Variants in NPFFR1 observed in about 807,000 individuals in gnomAD.
The protein encoded by NPFFR1 is neuropeptide FF receptor 1, also known as G-protein coupled receptor 147.
A neutral mutation model predicts 12.7 loss-of-function variants in NPFFR1; 17 were observed. The observed-to-expected ratio is 1.34, with a 90% CI of 0.92 to 2.01. NPFFR1 has a LOEUF of 2.01. NPFFR1 is among the 30% of genes most tolerant of loss of function. The probability of loss-of-function intolerance (pLI) is 0.00; values close to 1 mark genes in which losing one functional copy is unlikely to be tolerated. For missense variants in NPFFR1, 604 were observed against 606.5 expected, an observed-to-expected ratio of 1.00 and a Z score of 0.04; for synonymous variants, 296 against 264.5, an observed-to-expected ratio of 1.12 and a Z score of -1.16.
Position 70,255,253 on chromosome 10 carries a change from T to C in NPFFR1, c.997A>G (p.Asn333Asp), listed in dbSNP as rs1230755675. 2 of 1,566,692 alleles carry C rather than the reference T, an allele frequency of 1.3e-6. No homozygotes were observed. Among genetic ancestry groups the C allele is most frequent in the African/African-American group, 1.3e-5 (1 of 74,198 alleles). Residue 333 changes from asparagine (N) to aspartate (D), a missense_variant, in exon 4 of 4, where the codon AAC (asparagine) becomes GAC (aspartate). Transcript: ENST00000277942. The surrounding 1 kb of genome is among the most constrained non-coding windows in gnomAD (Gnocchi z 4.2). ...SANPIIYGYF[N>D]ENFRRGFQAA... Reference sequence around the variant, plus strand: ...TGGAAGCCGCGGCGGAAGTTCTCGTTGAAGTAGCCGTAGATGATGGGGTTG... The same window carrying C: ...TGGAAGCCGCGGCGGAAGTTCTCGTCGAAGTAGCCGTAGATGATGGGGTTG...
At chr10:70,269,644 T>C (rs1262466877) in intron 1 of NPFFR1, among the ~76,000 whole-genome samples, 1 of 152,032 alleles carries the variant, frequency 6.6e-6, no homozygotes, top group Admixed American at 6.6e-5. Flanking sequence ...CCTGAGTAGC[T>C]GGGATTACAG....
intron 1 of NPFFR1, among the ~76,000 whole-genome samples, chr10:70,272,103 C>T (rs548566005): frequency 8.1e-5 from 11 of 135,514 alleles, no homozygotes; most frequent in East Asian, 6.7e-4. Context: ...GGCGACAGAG[C>T]GAGACTCTGC....
rs771410629 is a variant in NPFFR1, at chr10:70,255,368, G to A, written c.882C>T (p.Asp294=). The part of the protein sequence containing the change: ...LPLWALLLLI[D]YGQLSAPQLH... The stretch of plus-strand genomic sequence containing the variant: ...GCTGCGGCGCGCTGAGCTGCCCGTA[G>A]TCGATGAGCAGCAGCAGCGCCCAGA... Residue 294 remains aspartate, a synonymous_variant, in exon 4 of 4, where the codon GAC becomes GAT. Coordinates refer to ENST00000277942, the MANE Select transcript of NPFFR1 (RefSeq NM_022146.5). The surrounding 1 kb of genome is among the most constrained non-coding windows in gnomAD (Gnocchi z 4.2). The A allele has an allele frequency of 1.3e-4, 209 of 1,555,974 alleles. No individual in the cohort carries two copies. Among genetic ancestry groups the A allele is most frequent in the Middle Eastern group, 3.3e-4 (2 of 6,022 alleles).
intron 1 of NPFFR1, among the ~76,000 whole-genome samples, chr10:70,274,310 G>A (rs1321143430): frequency 3.3e-5 from 5 of 152,158 alleles, no homozygotes; most frequent in African/African-American, 9.7e-5. Flanking sequence ...TTAGCCGGGC[G>A]TGGTGGCACA....
At chr10:70,262,347 G>T (rs1278372283) in intron 2 of NPFFR1, among the ~76,000 whole-genome samples, 1 of 152,084 alleles carries the variant, frequency 6.6e-6, no homozygotes, top group Non-Finnish European at 1.5e-5. Context: ...TACACTGAAG[G>T]GGTGAAGAAG....
chr10:70,255,057 C>T lies in NPFFR1; in HGVS notation c.1193G>A (p.Arg398His). 3 of 1,436,500 alleles carry T rather than the reference C, an allele frequency of 2.1e-6. No homozygotes were observed. The allele number at this position is 1,436,500 out of a possible 1,614,324, so 89.0% of individuals were successfully genotyped here. A position where few individuals can be genotyped will look rare whatever the true frequency, so the allele number is the denominator to read the frequency against. Residue 398 changes from arginine (R) to histidine (H), a missense_variant, in exon 4 of 4, where the codon CGC (arginine) becomes CAC (histidine). Arg to His is a conservative substitution (Grantham distance 29, BLOSUM62 0). Transcript: ENST00000277942. This position sits in a 1 kb window ranked among gnomAD's most constrained non-coding sequence, Gnocchi z 4.2. ...CACCCGCCCATTCCGCAGCGGGAGGCGGCCGGGCCTGGGGGCCCCACTGCT... is the reference window on the plus strand; with the variant it reads ...CACCCGCCCATTCCGCAGCGGGAGGTGGCCGGGCCTGGGGGCCCCACTGCT... ...GPSSGAPRPG[R>H]LPLRNGRVAH... is the part of the protein sequence containing the mutation.
rs1840535233 is a variant in NPFFR1, at chr10:70,253,758, C to T, written c.*1199G>A. On this transcript the variant is annotated 3_prime_UTR_variant, in exon 4 of 4. Coordinates refer to ENST00000277942, the MANE Select transcript of NPFFR1 (RefSeq NM_022146.5). ...GTGGGGGGAAATGTCCATTTAAGTG[C>T]AAGATGAAGGGGCCTGTGAAAGGAC... 1 of 151,988 alleles carries T rather than the reference C, an allele frequency of 6.6e-6. No individual in the cohort carries two copies. The highest frequency in any genetic ancestry group is 1.5e-5 in the Non-Finnish European group (1 of 68,026). 9.4% of individuals were successfully genotyped at this position (151,988 alleles called of 1,614,324 possible). A position where few individuals can be genotyped will look rare whatever the true frequency, so the allele number is the denominator to read the frequency against.
At position 70,272,975 on chromosome 10, in the gene NPFFR1, A is replaced by G. The variant is rs543997567; in HGVS notation, c.8-6584T>C. The stretch of plus-strand genomic sequence containing the variant: ...GAACTGTAGGTGAACAGAAAAAATA[A>G]CAATGTTTGTCCACAAGGGGTGGTG... On this transcript the variant is annotated intron_variant, in intron 1 of 3. Transcript: ENST00000277942. Among the ~76,000 whole-genome samples the G allele has an allele frequency of 3.9e-5, 6 of 152,358 alleles. No homozygotes were observed. In the East Asian group the frequency reaches 1.2e-3, roughly 29 times the overall value.
chr10:70,266,826 A>G (rs1840696830), intron 1 of NPFFR1, among the ~76,000 whole-genome samples: 1 of 152,084 alleles, frequency 6.6e-6, no homozygotes, highest in South Asian at 2.1e-4. Context: ...TTGTCTTCTG[A>G]TTCCCTTCCT....
chr10:70,266,951 C>T (rs1840699833), intron 1 of NPFFR1, among the ~76,000 whole-genome samples: 1 of 152,250 alleles, frequency 6.6e-6, no homozygotes, highest in Admixed American at 6.5e-5. Flanking sequence ...ACTCTTCCCT[C>T]TCCTTGCACT....
intron 3 of NPFFR1, among the ~76,000 whole-genome samples, chr10:70,260,037 G>C (rs1163553881): frequency 3.3e-5 from 5 of 152,220 alleles, no homozygotes; most frequent in African/African-American, 1.2e-4. Flanking sequence ...CAATATGGAG[G>C]CCTCCTGGGT....
chr10:70,256,855 C>T (rs1840577998), intron 3 of NPFFR1, among the ~76,000 whole-genome samples: 1 of 152,198 alleles, frequency 6.6e-6, no homozygotes. Context: ...ATGAGACTCT[C>T]CTGAAGCATT....
intron 1 of NPFFR1, among the ~76,000 whole-genome samples, chr10:70,282,364 C>T (rs1217368691): frequency 5.3e-5 from 8 of 152,172 alleles, no homozygotes; most frequent in Non-Finnish European, 7.3e-5. Context: ...CAATTTCCCC[C>T]GACTTCTGTT....
In NPFFR1 at chr10:70,255,625, C is replaced by T; in HGVS notation, c.625G>A (p.Glu209Lys). 6.3e-7 allele frequency: 1 copy of T among 1,577,366 alleles called. No homozygotes were observed. Among genetic ancestry groups the T allele is most frequent in the East Asian group, 2.3e-5 (1 of 43,028 alleles). ...GTGTAGACCCTGCGCATGCCCTTCT[C>T]GGGCCAGGCCTCCCAGCAGGAGTAG... is the stretch of plus-strand genomic sequence containing the variant. ...PLYSCWEAWP[E>K]KGMRRVYTTV... is the part of the protein sequence containing the mutation. The change falls in exon 4 of 4, where the codon GAG becomes AAG. Residue 209 changes from glutamate (E) to lysine (K), a missense_variant. Physicochemically the swap from Glu to Lys is moderately conservative, Grantham distance 56 (BLOSUM62 1). Transcript: ENST00000277942. This position sits in a 1 kb window ranked among gnomAD's most constrained non-coding sequence, Gnocchi z 4.2.
chr10:70,273,945 G>A (rs1840775176), intron 1 of NPFFR1, among the ~76,000 whole-genome samples: 1 of 152,114 alleles, frequency 6.6e-6, no homozygotes, highest in South Asian at 2.1e-4. Flanking sequence ...AGATGGGCAG[G>A]GGTAGCACCA....
intron 1 of NPFFR1, among the ~76,000 whole-genome samples, chr10:70,271,887 C>A (rs978927106): frequency 9.9e-5 from 15 of 152,008 alleles, no homozygotes; most frequent in Admixed American, 9.2e-4. Context: ...GAGGCCAAAG[C>A]AAGCAGATCA....
chr10:70,257,434 A>G (rs1321872482), intron 3 of NPFFR1, among the ~76,000 whole-genome samples: 1 of 152,248 alleles, frequency 6.6e-6, no homozygotes, highest in Non-Finnish European at 1.5e-5. Flanking sequence ...ATGCCTTGTT[A>G]ACAAAATGTT....
At chr10:70,276,115 G>C (rs1840802018) in intron 1 of NPFFR1, among the ~76,000 whole-genome samples, 1 of 152,140 alleles carries the variant, frequency 6.6e-6, no homozygotes, top group African/African-American at 2.4e-5. Flanking sequence ...TCCTTGATTT[G>C]GAAGGAACTT....
chr10:70,268,062 A>G (rs1257027380), intron 1 of NPFFR1, among the ~76,000 whole-genome samples: 1 of 152,224 alleles, frequency 6.6e-6, no homozygotes, highest in Non-Finnish European at 1.5e-5. Context: ...ACAAGAGTAT[A>G]AAGTTTAATG....
Sources: gnomAD v4.1 joint callset for allele counts (sites outside exome capture counted in the v4.1 genomes callset) on GRCh38, gnomAD v4.1.1 for gene constraint, Gnocchi (gnomAD v3.1) non-coding constraint, MANE v1.5 for transcripts, NCBI Gene and HGNC (gene_info 2026-07-23, HGNC 2026-07-21) for gene names.